MUC22: variants seen among roughly 807,000 people sequenced by gnomAD.
MUC22 encodes the protein mucin-22.
In MUC22, 24 loss-of-function variants were observed where a neutral mutation model predicts 40.3. That is an observed-to-expected ratio of 0.60 (90% CI 0.43 to 0.84). The LOEUF (loss-of-function observed/expected upper bound fraction) is 0.84, where lower values mean the gene tolerates loss of function less well. Among genes scored for constraint, MUC22 ranks in the 40% least tolerant of loss-of-function variants. MUC22 has a pLI of 0.00. For synonymous variants in MUC22, 765 were observed against 844.5 expected (o/e 0.91, Z 1.63); for missense variants, 1,926 against 2,130.7 (o/e 0.90, Z 1.89).
In MUC22 at chr6:31,022,623, T is replaced by C. The variant is rs144726773; in HGVS notation, c.71-2879T>C. Among the ~76,000 whole-genome samples, 432 of 152,226 alleles carry C rather than the reference T, an allele frequency of 2.8e-3. 5 individuals carry two copies. Among genetic ancestry groups the C allele is most frequent in the African/African-American group, 9.9e-3 (413 of 41,540 alleles). Reference sequence around the variant, plus strand: ...GAGTAATAATGAATTATGAGGCTTATATGTAGACATAAAATGTATGACAAC... The same window carrying C: ...GAGTAATAATGAATTATGAGGCTTACATGTAGACATAAAATGTATGACAAC... On this transcript the variant is annotated intron_variant, in intron 1 of 3. Coordinates refer to ENST00000561890, the Ensembl canonical transcript of MUC22.
exon 2 of MUC22, chr6:31,026,141 C>T (rs1479761207): frequency 2.6e-6 from 4 of 1,532,914 alleles, no homozygotes; most frequent in Admixed American, 2.0e-5. Flanking sequence ...GGCTCTGAGG[C>T]CACCACAACC....
intron 1 of MUC22, among the ~76,000 whole-genome samples, chr6:31,013,690 A>T (rs1764002990): frequency 6.6e-6 from 1 of 152,052 alleles, no homozygotes; most frequent in Non-Finnish European, 1.5e-5. Flanking sequence ...TAGAGACAAG[A>T]TCTCACTCTG....
At chr6:31,022,327 G>A (rs560980036) in intron 1 of MUC22, among the ~76,000 whole-genome samples, 1 of 152,066 alleles carries the variant, frequency 6.6e-6, no homozygotes, top group East Asian at 1.9e-4. Context: ...ACCATGCCTG[G>A]CTAATTTTGT....
At chr6:31,009,560 A>G (rs867491035), upstream of MUC22, among the ~76,000 whole-genome samples, 65 of 152,320 alleles carry the variant, frequency 4.3e-4, no homozygotes, top group African/African-American at 1.5e-3. Flanking sequence ...TTAGAACCAT[A>G]CAGTATGCCT....
Position 31,011,860 on chromosome 6 carries a change from G to T in MUC22, c.70+1084G>T, listed in dbSNP as rs1345918893. ...TCTACGCCAACATCTACTGTTTTTT[G>T]ATTTTTTGCTTCAACCCTTCTTCGG... On this transcript the variant is annotated intron_variant, in intron 1 of 3. Transcript: ENST00000561890. This position sits in a 1 kb window ranked among gnomAD's most constrained non-coding sequence, Gnocchi z 4.5. 6.6e-6 allele frequency among the ~76,000 whole-genome samples: 1 copy of T among 152,126 alleles called. No individual in the cohort carries two copies. The highest frequency in any genetic ancestry group is 2.4e-5 in the African/African-American group (1 of 41,416).
At chr6:31,014,775 C>T (rs2150747255) in intron 1 of MUC22, among the ~76,000 whole-genome samples, 1 of 152,270 alleles carries the variant, frequency 6.6e-6, no homozygotes, top group East Asian at 1.9e-4. Context: ...CCGTCTTCAA[C>T]ATATGGTTTC....
rs1477618970 is a variant in MUC22, at chr6:31,028,980, TGA to T, written c.3552_3553del (p.Glu1184AspfsTer7). The T allele has an allele frequency of 6.5e-7, 1 of 1,534,552 alleles. No homozygotes were observed. Among genetic ancestry groups the T allele is most frequent in the African/African-American group, 1.4e-5 (1 of 72,688 alleles). On this transcript the variant is annotated frameshift_variant, in exon 2 of 4. Transcript: ENST00000561890. LOFTEE classifies it high-confidence loss of function. ...CCACCACAGCCTCTACTGAAGGCTC[TGA>T]GACCACCACAGCCTCTACTGAAGGC...
At chr6:31,006,106 CA>C (rs1226976086), upstream of MUC22, 17 of 386,498 alleles carry the variant, frequency 4.4e-5, no homozygotes, top group East Asian at 1.1e-4. Context: ...GACTCCGTCT[CA>C]AAAAAATGAA....
At position 31,026,432 on chromosome 6, in the gene MUC22, G is replaced by T; in HGVS notation, c.1001G>T (p.Gly334Val). ...GAGAACACCACAGTCTCTAGTGCAGGCTCTGGGACCACCACAGCTTCTATG... is the reference window on the plus strand; with the variant it reads ...GAGAACACCACAGTCTCTAGTGCAGTCTCTGGGACCACCACAGCTTCTATG... Residue 334 changes from glycine to valine, a missense_variant, in exon 2 of 4, where the codon GGC becomes GTC. Gly to Val is a moderately radical substitution (Grantham distance 109). Coordinates refer to ENST00000561890, the Ensembl canonical transcript of MUC22. 1.3e-6 allele frequency: 2 copies of T among 1,506,350 alleles called. 1 individual carries two copies. The highest frequency in any genetic ancestry group is 1.8e-6 in the Non-Finnish European group (2 of 1,128,504). 93.3% of individuals were successfully genotyped at this position (1,506,350 alleles called of 1,614,324 possible).
At chr6:31,021,174 A>C (rs1396396973) in intron 1 of MUC22, among the ~76,000 whole-genome samples, 1 of 152,270 alleles carries the variant, frequency 6.6e-6, no homozygotes, top group East Asian at 1.9e-4. Flanking sequence ...GGGTGAAGCC[A>C]GCTGGGCTCC....
chr6:31,019,754 T>C (rs996324672), intron 1 of MUC22, among the ~76,000 whole-genome samples: 1 of 152,182 alleles, frequency 6.6e-6, no homozygotes, highest in African/African-American at 2.4e-5. Flanking sequence ...CTCAGGAGGC[T>C]GAGGCAGGAG....
chr6:31,019,429 A>G (rs1764506480), intron 1 of MUC22, among the ~76,000 whole-genome samples: 1 of 152,214 alleles, frequency 6.6e-6, no homozygotes, highest in Non-Finnish European at 1.5e-5. Context: ...TAAAAACATA[A>G]ATCAATTTTG....
exon 2 of MUC22, chr6:31,025,673 T>A: frequency 6.5e-7 from 1 of 1,529,438 alleles, no homozygotes; most frequent in Non-Finnish European, 8.7e-7. Context: ...GCCTCCACCA[T>A]GGCTTCTACT....
chr6:31,022,620 T>C (rs1050505873), intron 1 of MUC22, among the ~76,000 whole-genome samples: 2 of 152,124 alleles, frequency 1.3e-5, no homozygotes, highest in African/African-American at 4.8e-5. Flanking sequence ...ATTATGAGGC[T>C]TATATGTAGA....
intron 1 of MUC22, among the ~76,000 whole-genome samples, chr6:31,019,436 T>G (rs1203690799): frequency 6.6e-6 from 1 of 152,210 alleles, no homozygotes; most frequent in East Asian, 1.9e-4. Flanking sequence ...ATAAATCAAT[T>G]TTGTTTTCTA....
Position 31,032,610 on chromosome 6 carries a change from A to C in MUC22, c.5055+29A>C. 6.6e-7 allele frequency: 1 copy of C among 1,509,786 alleles called. No homozygotes were observed. The highest frequency in any genetic ancestry group is 8.8e-7 in the Non-Finnish European group (1 of 1,132,630). 93.5% of individuals were successfully genotyped at this position (1,509,786 alleles called of 1,614,324 possible). A position where few individuals can be genotyped will look rare whatever the true frequency, so the allele number is the denominator to read the frequency against. ...AGTACCCAGGGTGGGTTCATAGGGG[A>C]GCCTGGCAAGAAGGCAGGGGGGAAT... On this transcript the variant is annotated intron_variant, in intron 3 of 3. Transcript: ENST00000561890. The surrounding 1 kb of genome is among the most constrained non-coding windows in gnomAD (Gnocchi z 4.1).
chr6:31,031,523 AT>A (rs1281144532), intron 2 of MUC22, among the ~76,000 whole-genome samples: 1 of 151,806 alleles, frequency 6.6e-6, no homozygotes, highest in African/African-American at 2.4e-5. Context: ...TTTATTTTCA[AT>A]TTTTTCCATA....
chr6:31,021,067 C>T (rs988857575), intron 1 of MUC22, among the ~76,000 whole-genome samples: 84 of 152,372 alleles, frequency 5.5e-4, no homozygotes, highest in African/African-American at 1.9e-3. Flanking sequence ...TGCTCCAGGG[C>T]GCCCAGTCCC....
chr6:31,035,037 G>A (rs1766354731), exon 4 of MUC22: 3 of 1,257,670 alleles, frequency 2.4e-6, no homozygotes, highest in Non-Finnish European at 3.2e-6. Flanking sequence ...TATTATGGGT[G>A]GGAGGGGGTC....
Sources: allele counts gnomAD v4.1 joint callset (sites outside exome capture counted in the v4.1 genomes callset), GRCh38; gene constraint gnomAD v4.1.1; non-coding constraint Gnocchi (gnomAD v3.1); transcripts MANE v1.5; gene names NCBI Gene and HGNC (gene_info 2026-07-23, HGNC 2026-07-21).